Variants in ST6GALNAC3 observed in about 807,000 individuals in gnomAD.
The protein encoded by ST6GALNAC3 is ST6 N-acetylgalactosaminide alpha-2,6-sialyltransferase 3.
Under a neutral mutation model 32.7 loss-of-function variants are expected in ST6GALNAC3, and 25 were observed. The observed-to-expected ratio is 0.76, with a 90% CI of 0.56 to 1.07. The LOEUF is 1.07. Among genes scored for constraint, ST6GALNAC3 ranks in the 50% least tolerant of loss-of-function variants. ST6GALNAC3 has a pLI of 0.00. For synonymous variants in ST6GALNAC3, 129 were observed against 133.1 expected (o/e 0.97, Z 0.21); for missense variants, 355 against 382.4 (o/e 0.93, Z 0.60).
At chr1:76,584,054 T>C (rs543903744) in intron 3 of ST6GALNAC3, among the ~76,000 whole-genome samples, 35 of 152,276 alleles carry the variant, frequency 2.3e-4, no homozygotes, top group African/African-American at 8.4e-4. Flanking sequence ...CCAGGCACAA[T>C]TAAGTGCTTT....
chr1:76,400,690 C>G (rs1024494245), intron 2 of ST6GALNAC3, among the ~76,000 whole-genome samples: 2 of 151,826 alleles, frequency 1.3e-5, no homozygotes, highest in African/African-American at 4.8e-5. Flanking sequence ...AGTTTGAGAC[C>G]AGCCTGGCCA....
intron 1 of ST6GALNAC3, among the ~76,000 whole-genome samples, chr1:76,203,240 T>C (rs1291795189): frequency 6.6e-6 from 1 of 152,086 alleles, no homozygotes; most frequent in East Asian, 1.9e-4. Flanking sequence ...CTCAAATAAA[T>C]CAGAATCTGC....
At chr1:76,431,114 G>A (rs547797232) in intron 3 of ST6GALNAC3, among the ~76,000 whole-genome samples, 2 of 152,212 alleles carry the variant, frequency 1.3e-5, no homozygotes, top group African/African-American at 2.4e-5. Flanking sequence ...GAGAACAGCT[G>A]TTTCAAATGC....
At chr1:76,252,550 C>G (rs1343219858) in intron 1 of ST6GALNAC3, among the ~76,000 whole-genome samples, 8 of 151,990 alleles carry the variant, frequency 5.3e-5, no homozygotes, top group Non-Finnish European at 1.0e-4. Context: ...GATGGCCCCC[C>G]CTTTTTTTTT....
At chr1:76,341,566 G>GT (rs1223864909) in intron 2 of ST6GALNAC3, among the ~76,000 whole-genome samples, 9 of 151,276 alleles carry the variant, frequency 5.9e-5, no homozygotes, top group Admixed American at 5.3e-4. Context: ...CAGCTGAATG[G>GT]TATTTCACTT....
chr1:76,156,218 G>T (rs1022356511), intron 1 of ST6GALNAC3, among the ~76,000 whole-genome samples: 41 of 151,970 alleles, frequency 2.7e-4, no homozygotes, highest in Middle Eastern at 3.4e-3. Flanking sequence ...ATGATTTAAC[G>T]TTGTAGATGT....
At chr1:76,295,721 A>G (rs117607621) in intron 1 of ST6GALNAC3, among the ~76,000 whole-genome samples, 1 of 152,212 alleles carries the variant, frequency 6.6e-6, no homozygotes, top group East Asian at 1.9e-4. Flanking sequence ...GTTATTGTTG[A>G]AGACTTACAT....
chr1:76,170,854 G>T (rs963643591), intron 1 of ST6GALNAC3, among the ~76,000 whole-genome samples: 1 of 152,142 alleles, frequency 6.6e-6, no homozygotes, highest in Non-Finnish European at 1.5e-5. Context: ...AATCTGGAAA[G>T]ATGTTGTTGT....
At chr1:76,359,192 A>C (rs1649733020) in intron 2 of ST6GALNAC3, among the ~76,000 whole-genome samples, 1 of 152,180 alleles carries the variant, frequency 6.6e-6, no homozygotes, top group African/African-American at 2.4e-5. Context: ...TTTAAGAGGA[A>C]ATGACAGGAT....
chr1:76,465,070 C>G (rs1194790684), intron 3 of ST6GALNAC3, among the ~76,000 whole-genome samples: 1 of 152,084 alleles, frequency 6.6e-6, no homozygotes, highest in African/African-American at 2.4e-5. Flanking sequence ...CCAATAGAAA[C>G]AGAGTAGAGG....
chr1:76,193,324 A>G (rs1301740716), intron 1 of ST6GALNAC3, among the ~76,000 whole-genome samples: 1 of 152,152 alleles, frequency 6.6e-6, no homozygotes, highest in African/African-American at 2.4e-5. Flanking sequence ...AAAAGATTGT[A>G]TATATTTGTC....
chr1:76,079,146 TTC>T (rs1202282855), intron 1 of ST6GALNAC3, among the ~76,000 whole-genome samples: 1 of 152,288 alleles, frequency 6.6e-6, no homozygotes, highest in South Asian at 2.1e-4. Context: ...CCTTGTCAGA[TTC>T]TCTGTTTTCA....
chr1:76,621,093 G>T (rs1648614868), intron 3 of ST6GALNAC3, among the ~76,000 whole-genome samples: 1 of 151,962 alleles, frequency 6.6e-6, no homozygotes, highest in Admixed American at 6.6e-5. Context: ...GTACGTTTTT[G>T]AAAAGAACAC....
chr1:76,549,724 AG>A (rs1557559302), intron 3 of ST6GALNAC3, among the ~76,000 whole-genome samples: 2 of 152,150 alleles, frequency 1.3e-5, no homozygotes, highest in Non-Finnish European at 2.9e-5. Context: ...GTAAATTTAC[AG>A]GGGGAAGGAG....
intron 1 of ST6GALNAC3, among the ~76,000 whole-genome samples, chr1:76,311,195 A>G (rs1040950284): frequency 6.6e-6 from 1 of 151,904 alleles, no homozygotes; most frequent in Admixed American, 6.6e-5. Context: ...GTCACTGCCT[A>G]CCTATACTCT....
intron 3 of ST6GALNAC3, among the ~76,000 whole-genome samples, chr1:76,435,323 G>A (rs1379102219): frequency 6.6e-6 from 1 of 152,028 alleles, no homozygotes. Context: ...GCTTATATGT[G>A]GGGAAAACAA....
At chr1:76,624,135 G>A (rs1398857488) in intron 3 of ST6GALNAC3, among the ~76,000 whole-genome samples, 1 of 151,888 alleles carries the variant, frequency 6.6e-6, no homozygotes, top group Non-Finnish European at 1.5e-5. Context: ...AGGGCACTTG[G>A]GCAGTATGAG....
chr1:76,160,705 G>T (rs954132529), intron 1 of ST6GALNAC3, among the ~76,000 whole-genome samples: 1 of 152,062 alleles, frequency 6.6e-6, no homozygotes, highest in African/African-American at 2.4e-5. Context: ...GAAAATCTTG[G>T]TGCACACACA....
chr1:76,131,904 T>A (rs911538248), intron 1 of ST6GALNAC3, among the ~76,000 whole-genome samples: 2 of 152,110 alleles, frequency 1.3e-5, no homozygotes, highest in African/African-American at 4.8e-5. Context: ...GCTACCAAAA[T>A]GTCATTACCC....
Sources: allele counts gnomAD v4.1 joint callset (sites outside exome capture counted in the v4.1 genomes callset), GRCh38; gene constraint gnomAD v4.1.1; transcripts MANE v1.5; gene names NCBI Gene and HGNC (gene_info 2026-07-23, HGNC 2026-07-21).